HERC2: variants seen among roughly 807,000 people sequenced by gnomAD.
The protein encoded by HERC2 is HECT and RLD domain containing E3 ubiquitin protein ligase 2.
Under a neutral mutation model 537.7 loss-of-function variants are expected in HERC2, and 102 were observed. The observed-to-expected ratio is 0.19, with a 90% CI of 0.16 to 0.22. The LOEUF is 0.22. HERC2 is among the 10% of genes least tolerant of loss of function. The pLI is 1.00. For synonymous variants in HERC2, 2,224 were observed against 2,466.2 expected, an observed-to-expected ratio of 0.90 and a Z score of 2.91; for missense variants, 4,236 against 6,198.2, an observed-to-expected ratio of 0.68 and a Z score of 10.63.
chr15:28,226,823 A>C (rs1429113735), intron 35 of HERC2, among the ~76,000 whole-genome samples: 1 of 152,244 alleles, frequency 6.6e-6, no homozygotes, highest in Non-Finnish European at 1.5e-5. Flanking sequence ...ATACCCTCAA[A>C]TGATATACCT....
At chr15:28,179,101 A>T in intron 58 of HERC2, 41 bp downstream of exon 58, 1 of 1,599,334 alleles carries the variant, frequency 6.3e-7, no homozygotes, top group Non-Finnish European at 8.5e-7. Flanking sequence ...TTTTGGTGCC[A>T]AGCATAATTT....
At chr15:28,285,259 C>T (rs1399640354) in intron 4 of HERC2, among the ~76,000 whole-genome samples, 1 of 152,088 alleles carries the variant, frequency 6.6e-6, no homozygotes, top group Non-Finnish European at 1.5e-5. Context: ...GTTCAAGCAT[C>T]CACAAAACAA....
chr15:28,200,584 A>G (rs574562524), intron 48 of HERC2, among the ~76,000 whole-genome samples: 1 of 152,240 alleles, frequency 6.6e-6, no homozygotes, highest in African/African-American at 2.4e-5. Flanking sequence ...AGGGGGAACC[A>G]CTCTAGCTTG....
intron 81 of HERC2, 109 bp downstream of exon 81, chr15:28,131,991 C>T (rs555032147): frequency 5.4e-6 from 5 of 925,996 alleles, no homozygotes; most frequent in Non-Finnish European, 8.0e-6. Flanking sequence ...AAGGAGCACA[C>T]ACGGGGGACA....
chr15:28,131,733 G>A (rs61266141), intron 81 of HERC2, among the ~76,000 whole-genome samples: 11,548 of 152,144 alleles, frequency 0.076, 1,516 homozygotes, highest in African/African-American at 0.27. Flanking sequence ...ACCCCCAAGC[G>A]CGTGCCGTGG....
intron 8 of HERC2, 38 bp downstream of exon 8, chr15:28,272,856 C>T (rs770762226): frequency 5.1e-6 from 7 of 1,369,056 alleles, no homozygotes; most frequent in South Asian, 1.2e-5. Flanking sequence ...CATACACAGG[C>T]GCTTCCCCAA....
intron 38 of HERC2, among the ~76,000 whole-genome samples, chr15:28,217,235 T>G (rs972978576): frequency 6.1e-4 from 93 of 151,986 alleles, no homozygotes; most frequent in African/African-American, 2.2e-3. Context: ...CATGCCTCCC[T>G]CATGCTCACC....
At chr15:28,275,201 C>G (rs535339094) in intron 5 of HERC2, among the ~76,000 whole-genome samples, 196 bp from the exon 6 acceptor site, 1 of 152,342 alleles carries the variant, frequency 6.6e-6, no homozygotes, top group East Asian at 1.9e-4. Flanking sequence ...AAAGTTTTCT[C>G]TTTAAGAATC....
Position 28,116,669 on chromosome 15 carries a change from G to T in HERC2, c.13605C>A (p.Phe4535Leu). Residue 4535 changes from phenylalanine (F) to leucine (L), a missense_variant, in exon 88 of 93, where the codon TTC (phenylalanine) becomes TTA (leucine). Around this residue, in one of 27 missense-constraint regions of HERC2, gnomAD observed 313 missense variants for 462.6 expected, o/e 0.68. Transcript: ENST00000261609. ...RAPVHSSMFR[F>L]LGVLLGIAIR... The stretch of plus-strand genomic sequence containing the variant: ...TCAAGCGGCCGAGAAGCTCACCCAG[G>T]AAGCGGAACATGCTGCTGTGCACGG... 6.2e-7 allele frequency: 1 copy of T among 1,606,458 alleles called. No homozygotes were observed. The highest frequency in any genetic ancestry group is 1.1e-5 in the South Asian group (1 of 90,690).
At chr15:28,293,185 T>C (rs574480462) in intron 3 of HERC2, among the ~76,000 whole-genome samples, 163 bp from the exon 4 acceptor site, 1 of 152,170 alleles carries the variant, frequency 6.6e-6, no homozygotes, top group South Asian at 2.1e-4. Context: ...AGACCCAGTA[T>C]AATTTTCATA....
intron 23 of HERC2, among the ~76,000 whole-genome samples, chr15:28,240,926 T>C (rs150945963): frequency 6.6e-6 from 1 of 152,288 alleles, no homozygotes; most frequent in Non-Finnish European, 1.5e-5. Context: ...AAATAAGTGC[T>C]AAAACTATAA....
At chr15:28,179,082 T>C in intron 58 of HERC2, 52 bp from the exon 59 acceptor site, 1 of 1,601,800 alleles carries the variant, frequency 6.2e-7, no homozygotes. Context: ...CATTAAAAAC[T>C]TTTTTGTTTT....
intron 84 of HERC2, 50 bp from the exon 85 acceptor site, chr15:28,124,284 G>A (rs1044130858): frequency 3.3e-6 from 4 of 1,225,296 alleles, no homozygotes; most frequent in Non-Finnish European, 4.4e-6. Flanking sequence ...AGGCACACGG[G>A]GGCCAGTGTG....
intron 2 of HERC2, chr15:28,319,982 G>T (rs1276628672): frequency 6.6e-6 from 1 of 152,122 alleles, no homozygotes; most frequent in African/African-American, 2.4e-5. Flanking sequence ...TGACAAAACA[G>T]ATCATTATAG....
intron 18 of HERC2, 27 bp downstream of exon 18, chr15:28,256,062 C>T (rs770538863): frequency 2.5e-6 from 4 of 1,604,338 alleles, no homozygotes; most frequent in South Asian, 2.2e-5. Context: ...TGACCCATGC[C>T]CTCTCCTGTT....
At chr15:28,168,637 C>G (rs1198360035) in intron 66 of HERC2, 47 bp from the exon 67 acceptor site, 3 of 1,561,152 alleles carry the variant, frequency 1.9e-6, no homozygotes, top group Non-Finnish European at 2.6e-6. Context: ...CCCTTCTCCA[C>G]TGCAGCACAG....
intron 23 of HERC2, among the ~76,000 whole-genome samples, chr15:28,245,660 T>TAC (rs10594927): frequency 0.021 from 3,108 of 150,408 alleles, 95 homozygotes; most frequent in African/African-American, 0.072. Context: ...CACTCATATA[T>TAC]ACACACACAC....
chr15:28,178,789 C>A, intron 59 of HERC2, 98 bp downstream of exon 59: 1 of 1,304,830 alleles, frequency 7.7e-7, no homozygotes. Context: ...TAAGTAAAAA[C>A]TTAAGAAAGA....
chr15:28,267,193 A>G (rs959185891), intron 12 of HERC2, among the ~76,000 whole-genome samples: 1 of 152,156 alleles, frequency 6.6e-6, no homozygotes, highest in Non-Finnish European at 1.5e-5. Flanking sequence ...AAATACACAC[A>G]GTGGCACAGG....
Sources: allele counts gnomAD v4.1 joint callset (sites outside exome capture counted in the v4.1 genomes callset), GRCh38; gene constraint gnomAD v4.1.1; regional missense constraint gnomAD v4.1.1; transcripts MANE v1.5; gene names NCBI Gene and HGNC (gene_info 2026-07-23, HGNC 2026-07-21).